Variants in IL3RA observed in about 807,000 individuals in gnomAD.
IL3RA encodes the protein interleukin-3 receptor subunit alpha.
Under a neutral mutation model 52.3 loss-of-function variants are expected in IL3RA, and 73 were observed. The ratio of observed to expected loss-of-function variants is 1.40; its 90% CI spans 1.16 to 1.70. IL3RA has a LOEUF of 1.70. IL3RA is among the 40% of genes most tolerant of loss of function. IL3RA has a pLI of 0.00. For synonymous variants in IL3RA, 260 were observed against 194.0 expected (o/e 1.34, Z -2.83); for missense variants, 664 against 504.4 (o/e 1.32, Z -3.03).
chrX:1,359,598 G>A (rs2087012616), intron 8 of IL3RA, among the ~76,000 whole-genome samples: 1 of 142,028 alleles, frequency 7.0e-6, no homozygotes, highest in Non-Finnish European at 1.5e-5. Context: ...CTCTCTCTGT[G>A]TCTCTTTCCC....
intron 7 of IL3RA, among the ~76,000 whole-genome samples, chrX:1,358,225 A>G (rs2086887168): frequency 6.6e-6 from 1 of 152,022 alleles, no homozygotes; most frequent in South Asian, 2.1e-4. Flanking sequence ...TGCACCCCCT[A>G]CCTAGTTCGC....
chrX:1,352,279 C>T, intron 5 of IL3RA, 43 bp from the exon 6 acceptor site: 1 of 1,612,982 alleles, frequency 6.2e-7, no homozygotes, highest in Non-Finnish European at 8.5e-7. Context: ...GGTGCGGGTG[C>T]CATCGGCGTG....
intron 4 of IL3RA, among the ~76,000 whole-genome samples, chrX:1,348,995 C>G (rs1468285338): frequency 4.0e-5 from 6 of 149,356 alleles, no homozygotes; most frequent in Admixed American, 1.4e-4. Flanking sequence ...TTCCCCCTCC[C>G]CTCCCTTCCC....
chrX:1,352,820 A>G (rs2086176352), intron 6 of IL3RA, among the ~76,000 whole-genome samples: 1 of 152,044 alleles, frequency 6.6e-6, no homozygotes, highest in Admixed American at 6.6e-5. Flanking sequence ...AGGATCCCTC[A>G]CCATGGGTCA....
chrX:1,356,223 A>ATAT lies in IL3RA; in HGVS notation c.622_624dup (p.Leu208dup), dbSNP rs1556627104. 5.0e-6 allele frequency: 8 copies of ATAT among 1,585,588 alleles called. No homozygotes were observed. The highest frequency in any genetic ancestry group is 1.7e-4 in the Middle Eastern group (1 of 5,998). On this transcript the variant is annotated inframe_insertion, in exon 7 of 12. Coordinates refer to ENST00000331035, the MANE Select transcript of IL3RA (RefSeq NM_002183.4). Reference sequence around the variant, plus strand: ...AAAAGTGTTTTTCTCGTTGCTAGAGATATTAACTCCACCCAACATGACTGC... The same window carrying ATAT: ...AAAAGTGTTTTTCTCGTTGCTAGAGATATTATTAACTCCACCCAACATGACTGC...
At chrX:1,382,338 G>T in intron 11 of IL3RA, 53 bp from the exon 12 acceptor site, 1 of 1,269,376 alleles carries the variant, frequency 7.9e-7, no homozygotes, top group Non-Finnish European at 1.1e-6. Context: ...CAGGACGTGG[G>T]CTCTGTTATC....
intron 8 of IL3RA, 83 bp from the exon 9 acceptor site, chrX:1,365,055 T>G: frequency 1.1e-6 from 1 of 919,948 alleles, no homozygotes; most frequent in Non-Finnish European, 1.8e-6. Flanking sequence ...GTGATCCACC[T>G]GCCTTGGCCT....
chrX:1,346,670 C>T (rs1314139738), intron 3 of IL3RA, among the ~76,000 whole-genome samples: 2 of 149,178 alleles, frequency 1.3e-5, no homozygotes. Flanking sequence ...ACAAGGTCCT[C>T]ATCACGAAAT....
At chrX:1,355,664 G>C (rs1394744428) in intron 6 of IL3RA, among the ~76,000 whole-genome samples, 3 of 151,804 alleles carry the variant, frequency 2.0e-5, no homozygotes, top group Non-Finnish European at 4.4e-5. Context: ...GCGGAGGTGG[G>C]GGAGGTGAGA....
At chrX:1,348,690 CTTT>C (rs878975237) in intron 4 of IL3RA, 145 bp downstream of exon 4, 4 of 481,736 alleles carry the variant, frequency 8.3e-6, no homozygotes, top group Non-Finnish European at 1.5e-5. Flanking sequence ...TTCTTTCTTT[CTTT>C]TTCTTTCTTT....
In IL3RA at chrX:1,355,815, G is replaced by T. The variant is rs1466276078; in HGVS notation, c.617-406G>T. 1.4e-4 allele frequency among the ~76,000 whole-genome samples: 21 copies of T among 152,128 alleles called. No individual in the cohort carries two copies. In the South Asian group the frequency reaches 3.9e-3, roughly 29 times the overall value. On this transcript the variant is annotated intron_variant, in intron 6 of 11. Transcript: ENST00000331035. ...TGGGCAGAGGGGGCATGGGAAGTAG[G>T]GGTTGGCCCTGGGCAGGGGTGGGGA...
intron 7 of IL3RA, 140 bp from the exon 8 acceptor site, chrX:1,358,721 G>GC: frequency 1.5e-6 from 1 of 669,728 alleles, no homozygotes; most frequent in South Asian, 1.8e-5. Flanking sequence ...TCATTATTTT[G>GC]CCCCCACTGC....
chrX:1,361,132 C>T (rs1264467852), intron 8 of IL3RA, among the ~76,000 whole-genome samples: 1 of 126,534 alleles, frequency 7.9e-6, no homozygotes, highest in African/African-American at 3.1e-5. Context: ...TCTCTCCCTT[C>T]CCCTCTCTGT....
rs756327044 is a variant in IL3RA, at chrX:1,345,467, T to C, written c.183+33T>C. On this transcript the variant is annotated intron_variant, in intron 3 of 11. Coordinates refer to ENST00000331035, the MANE Select transcript of IL3RA (RefSeq NM_002183.4). Reference sequence around the variant, plus strand: ...ATACTCTCTATTGTTTTTTTATTTTTATTTTATTTATTTATGTATTTATGT... The same window carrying C: ...ATACTCTCTATTGTTTTTTTATTTTCATTTTATTTATTTATGTATTTATGT... The C allele has an allele frequency of 6.8e-6, 9 of 1,328,690 alleles. No homozygotes were observed. The African/African-American group carries it at 1.4e-4, about 20-fold the overall frequency. The allele number at this position is 1,328,690 out of a possible 1,614,324, so 82.3% of individuals were successfully genotyped here.
At chrX:1,344,836 C>T (rs749682092) in intron 2 of IL3RA, among the ~76,000 whole-genome samples, 1 of 150,958 alleles carries the variant, frequency 6.6e-6, no homozygotes, top group East Asian at 2.0e-4. Context: ...GCTAACTCCA[C>T]GGGCAAAAAA....
rs777661135 is a variant in IL3RA at position 1,352,491 on chromosome X, G to A, written c.601G>A (p.Val201Ile). The A allele has an allele frequency of 1.7e-5, 27 of 1,613,486 alleles. No individual in the cohort carries two copies. Among genetic ancestry groups the A allele is most frequent in the Middle Eastern group, 3.4e-4 (2 of 5,906 alleles). Residue 201 changes from valine to isoleucine, a missense_variant, in exon 6 of 12, where the codon GTC (valine) becomes ATC (isoleucine). Val to Ile is a conservative substitution (Grantham distance 29, BLOSUM62 3). Coordinates refer to ENST00000331035, the MANE Select transcript of IL3RA (RefSeq NM_002183.4). ...FGIPCTDKFV[V>I]FSQIEILTPP... is the part of the protein sequence containing the mutation. ...TATCCCCTGCACAGATAAGTTTGTC[G>A]TCTTTTCACAGATTGGTGAGTAGCC...
chrX:1,356,192 A>G lies in IL3RA; in HGVS notation c.617-29A>G, dbSNP rs193195667. 9.8e-3 allele frequency: 10,906 copies of G among 1,109,934 alleles called. 724 individuals are homozygous for G. In the African/African-American group the frequency reaches 0.18, roughly 18 times the overall value. The allele number at this position is 1,109,934 out of a possible 1,614,324, so 68.8% of individuals were successfully genotyped here. Reference sequence around the variant, plus strand: ...AAAGAATTGATTTCTTGTACTCCTAAATCCTAAAAGTGTTTTTCTCGTTGC... The same window carrying G: ...AAAGAATTGATTTCTTGTACTCCTAGATCCTAAAAGTGTTTTTCTCGTTGC... On this transcript the variant is annotated intron_variant, in intron 6 of 11. Transcript: ENST00000331035.
intron 3 of IL3RA, among the ~76,000 whole-genome samples, chrX:1,347,809 A>T (rs28767607): frequency 3.0e-5 from 4 of 133,540 alleles, no homozygotes; most frequent in Non-Finnish European, 6.5e-5. Flanking sequence ...GAGGCCGAGG[A>T]GGGTGGATCA....
chrX:1,370,172 C>T (rs1450126759), intron 9 of IL3RA, among the ~76,000 whole-genome samples: 1 of 37,080 alleles, frequency 2.7e-5, no homozygotes, highest in Non-Finnish European at 4.2e-5. Flanking sequence ...CAGCACTGCC[C>T]ACACCTGGAT....
Sources: allele counts gnomAD v4.1 joint callset (sites outside exome capture counted in the v4.1 genomes callset), GRCh38; gene constraint gnomAD v4.1.1; transcripts MANE v1.5; gene names NCBI Gene and HGNC (gene_info 2026-07-23, HGNC 2026-07-21).